CEBPA: variants seen among roughly 807,000 people sequenced by gnomAD.
The protein encoded by CEBPA is CCAAT/enhancer-binding protein alpha.
CEBPA carries 2 observed loss-of-function variants against 5.1 expected under a neutral mutation model. The observed-to-expected ratio is 0.39, with a 90% CI of 0.16 to 1.23. CEBPA has a LOEUF of 1.23. CEBPA is among the 50% of genes most tolerant of loss of function. The probability of loss-of-function intolerance (pLI) is 0.34; values close to 1 mark genes in which losing one functional copy is unlikely to be tolerated. For synonymous variants in CEBPA, 275 were observed against 264.1 expected (o/e 1.04, Z -0.40); for missense variants, 455 against 537.4 (o/e 0.85, Z 1.52).
chr19:33,301,102 A>G lies in CEBPA; in HGVS notation c.*236T>C, dbSNP rs1252030892. On this transcript the variant is annotated 3_prime_UTR_variant, in exon 1 of 1. Coordinates refer to ENST00000498907, the MANE Select transcript of CEBPA (RefSeq NM_004364.5). This position sits in a 1 kb window ranked among gnomAD's most constrained non-coding sequence, Gnocchi z 6.0. ...TTGCCGGGCTCCCAGCTCAGCCCCA[A>G]GAATTCTCCCCTCCTCGCAGGGAGA... is the stretch of plus-strand genomic sequence containing the variant. 5.1e-5 allele frequency: 34 copies of G among 663,544 alleles called. No homozygotes were observed. In the East Asian group the frequency reaches 5.5e-4, roughly 11 times the overall value. The allele number at this position is 663,544 out of a possible 1,614,324, so 41.1% of individuals were successfully genotyped here. A position where few individuals can be genotyped will look rare whatever the true frequency, so the allele number is the denominator to read the frequency against.
At position 33,302,384 on chromosome 19, in the gene CEBPA, G is replaced by T. The variant is rs1555742325; in HGVS notation, c.31C>A (p.Pro11Thr). MESADFYEAE[P>T]RPPMSSHLQS... is the part of the protein sequence containing the mutation. ...AGGTGGCTGCTCATCGGGGGCCGCG[G>T]CTCCGCCTCGTAGAAGTCGGCCGAC... Residue 11 changes from proline (P) to threonine (T), a missense_variant, in exon 1 of 1, where the codon CCG (proline) becomes ACG (threonine). Pro to Thr is a conservative substitution (Grantham distance 38). Around this residue, in one of 5 missense-constraint regions of CEBPA, gnomAD observed 143 missense variants for 153.9 expected, o/e 0.93. Coordinates refer to ENST00000498907, the MANE Select transcript of CEBPA (RefSeq NM_004364.5). 7.7e-7 allele frequency: 1 copy of T among 1,303,318 alleles called. No individual in the cohort carries two copies. 80.7% of individuals were successfully genotyped at this position (1,303,318 alleles called of 1,614,324 possible).
chr19:33,300,219 AG>A lies in CEBPA; in HGVS notation c.*1118del, dbSNP rs1967118637. 4.3e-6 allele frequency: 1 copy of A among 233,532 alleles called. No individual in the cohort carries two copies. The highest frequency in any genetic ancestry group is 2.2e-5 in the African/African-American group (1 of 45,328). The allele number at this position is 233,532 out of a possible 1,614,324, so 14.5% of individuals were successfully genotyped here. A position where few individuals can be genotyped will look rare whatever the true frequency, so the allele number is the denominator to read the frequency against. ...AAAGTAATCCCAAAACCAAAAGGAA[AG>A]GGAGTCTCAGACCCTTCCCCCAGCT... On this transcript the variant is annotated 3_prime_UTR_variant, in exon 1 of 1. Coordinates refer to ENST00000498907, the MANE Select transcript of CEBPA (RefSeq NM_004364.5).
rs1392203731 is a variant in CEBPA at position 33,301,523 on chromosome 19, T to G, written c.892A>C (p.Lys298Gln). The change falls in exon 1 of 1, where the codon AAG becomes CAG. Residue 298 changes from lysine (K) to glutamine (Q), a missense_variant. Coordinates refer to ENST00000498907, the MANE Select transcript of CEBPA (RefSeq NM_004364.5). This position sits in a 1 kb window ranked among gnomAD's most constrained non-coding sequence, Gnocchi z 6.0. ...CGCTGCTTGGCCTTGTCGCGGCTCT[T>G]GCGCACCGCGATGTTGTTGCGCTCG... ...RRERNNIAVR[K>Q]SRDKAKQRNV... 9 of 1,613,404 alleles carry G rather than the reference T, an allele frequency of 5.6e-6. No homozygotes were observed. Among genetic ancestry groups the G allele is most frequent in the Non-Finnish European group, 7.6e-6 (9 of 1,179,852 alleles).
chr19:33,301,891 A>G lies in CEBPA; in HGVS notation c.524T>C (p.Leu175Pro), dbSNP rs2145261646. 1 of 1,269,154 alleles carries G rather than the reference A, an allele frequency of 7.9e-7. No homozygotes were observed. The highest frequency in any genetic ancestry group is 1.0e-6 in the Non-Finnish European group (1 of 998,530). 78.6% of individuals were successfully genotyped at this position (1,269,154 alleles called of 1,614,324 possible). A position where few individuals can be genotyped will look rare whatever the true frequency, so the allele number is the denominator to read the frequency against. ...REEDEAKQLALAGLFPYQPPP... is the reference protein window; with the variant it reads ...REEDEAKQLAPAGLFPYQPPP... ...CGGCTGGTAAGGGAAGAGGCCGGCC[A>G]GCGCCAGCTGCTTGGCTTCATCCTC... Residue 175 changes from leucine (L) to proline (P), a missense_variant, in exon 1 of 1, where the codon CTG becomes CCG. Leu to Pro is a moderately conservative substitution (Grantham distance 98, BLOSUM62 -3). This residue lies in a region of CEBPA where 141 missense variants were observed against 124.1 expected (regional missense o/e 1.14). Coordinates refer to ENST00000498907, the MANE Select transcript of CEBPA (RefSeq NM_004364.5). This position sits in a 1 kb window ranked among gnomAD's most constrained non-coding sequence, Gnocchi z 6.0.
chr19:33,301,942 A>G lies in CEBPA; in HGVS notation c.473T>C (p.Leu158Pro), dbSNP rs2145261865. 8.8e-7 allele frequency: 1 copy of G among 1,140,680 alleles called. No individual in the cohort carries two copies. The highest frequency in any genetic ancestry group is 1.1e-6 in the Non-Finnish European group (1 of 926,804). 70.7% of individuals were successfully genotyped at this position (1,140,680 alleles called of 1,614,324 possible). A position where few individuals can be genotyped will look rare whatever the true frequency, so the allele number is the denominator to read the frequency against. ...ERVGAPALRP[L>P]VIKQEPREED... Reference sequence around the variant, plus strand: ...CTCGCGGGGCTCCTGCTTGATCACCAGCGGCCGCAGCGCCGGCGCCCCGAC... The same window carrying G: ...CTCGCGGGGCTCCTGCTTGATCACCGGCGGCCGCAGCGCCGGCGCCCCGAC... Residue 158 changes from leucine to proline, a missense_variant, in exon 1 of 1, where the codon CTG becomes CCG. Physicochemically the swap from Leu to Pro is moderately conservative, Grantham distance 98. Coordinates refer to ENST00000498907, the MANE Select transcript of CEBPA (RefSeq NM_004364.5). The surrounding 1 kb of genome is among the most constrained non-coding windows in gnomAD (Gnocchi z 6.0).
At position 33,301,365 on chromosome 19, in the gene CEBPA, C is replaced by T. The variant is rs1568419067; in HGVS notation, c.1050G>A (p.Leu350=). Residue 350 remains leucine, a synonymous_variant, in exon 1 of 1, where the codon TTG becomes TTA. Transcript: ENST00000498907. The surrounding 1 kb of genome is among the most constrained non-coding windows in gnomAD (Gnocchi z 6.0). The part of the protein sequence containing the change: ...GIFRQLPESS[L]VKAMGNCA ...ACGCGCAGTTGCCCATGGCCTTGACCAAGGAGCTCTCTGGCAGCTGGCGGA... is the reference window on the plus strand; with the variant it reads ...ACGCGCAGTTGCCCATGGCCTTGACTAAGGAGCTCTCTGGCAGCTGGCGGA... 1 of 1,605,232 alleles carries T rather than the reference C, an allele frequency of 6.2e-7. No homozygotes were observed. The highest frequency in any genetic ancestry group is 8.5e-7 in the Non-Finnish European group (1 of 1,178,936).
chr19:33,301,974 G>A lies in CEBPA; in HGVS notation c.441C>T (p.Tyr147=), dbSNP rs2145262085. The change falls in exon 1 of 1, where the codon TAC becomes TAT. Residue 147 remains tyrosine (Y), a synonymous_variant. Coordinates refer to ENST00000498907, the MANE Select transcript of CEBPA (RefSeq NM_004364.5). The surrounding 1 kb of genome is among the most constrained non-coding windows in gnomAD (Gnocchi z 6.0). Reference sequence around the variant, plus strand: ...GCAGCGCCGGCGCCCCGACGCGCTCGTACAGGGGCTCCAGCCTGCCGTCCA... The same window carrying A: ...GCAGCGCCGGCGCCCCGACGCGCTCATACAGGGGCTCCAGCCTGCCGTCCA... ...GYLDGRLEPL[Y]ERVGAPALRP... is the part of the protein sequence containing the mutation. 1 of 1,230,260 alleles carries A rather than the reference G, an allele frequency of 8.1e-7. No individual in the cohort carries two copies. 76.2% of individuals were successfully genotyped at this position (1,230,260 alleles called of 1,614,324 possible).
chr19:33,300,623 G>A lies in CEBPA; in HGVS notation c.*715C>T. ...CTGACCCACGACCTAGCTTTCTGGT[G>A]TGACTCGGGGTGGGGGCTCCCACTG... On this transcript the variant is annotated 3_prime_UTR_variant, in exon 1 of 1. Transcript: ENST00000498907. 4.3e-6 allele frequency: 1 copy of A among 233,450 alleles called. No individual in the cohort carries two copies. Among genetic ancestry groups the A allele is most frequent in the Non-Finnish European group, 8.5e-6 (1 of 118,114 alleles). 14.5% of individuals were successfully genotyped at this position (233,450 alleles called of 1,614,324 possible).
chr19:33,301,921 C>A lies in CEBPA; in HGVS notation c.494G>T (p.Arg165Leu). Reference sequence around the variant, plus strand: ...CAGCTGCTTGGCTTCATCCTCCTCGCGGGGCTCCTGCTTGATCACCAGCGG... The same window carrying A: ...CAGCTGCTTGGCTTCATCCTCCTCGAGGGGCTCCTGCTTGATCACCAGCGG... Reference protein sequence around the residue: ...LRPLVIKQEPREEDEAKQLAL... With the variant: ...LRPLVIKQEPLEEDEAKQLAL... The change falls in exon 1 of 1, where the codon CGC (arginine) becomes CTC (leucine). Residue 165 changes from arginine (R) to leucine (L), a missense_variant. Physicochemically the swap from Arg to Leu is moderately radical, Grantham distance 102. Around this residue, in one of 5 missense-constraint regions of CEBPA, gnomAD observed 141 missense variants for 124.1 expected, o/e 1.14. Transcript: ENST00000498907. This position sits in a 1 kb window ranked among gnomAD's most constrained non-coding sequence, Gnocchi z 6.0. 8.8e-7 allele frequency: 1 copy of A among 1,140,560 alleles called. No individual in the cohort carries two copies. The highest frequency in any genetic ancestry group is 3.9e-4 in the Middle Eastern group (1 of 2,568). 70.7% of individuals were successfully genotyped at this position (1,140,560 alleles called of 1,614,324 possible). A position where few individuals can be genotyped will look rare whatever the true frequency, so the allele number is the denominator to read the frequency against.
rs1162154287 is a variant in CEBPA at position 33,301,344 on chromosome 19, G to C, written c.1071C>G (p.Cys357Trp). ...ESSLVKAMGN[C>W]A The stretch of plus-strand genomic sequence containing the variant: ...GGTCCCACAGCCGCGCGCCTCACGC[G>C]CAGTTGCCCATGGCCTTGACCAAGG... The change falls in exon 1 of 1, where the codon TGC becomes TGG. Residue 357 changes from cysteine to tryptophan, a missense_variant. Transcript: ENST00000498907. This position sits in a 1 kb window ranked among gnomAD's most constrained non-coding sequence, Gnocchi z 6.0. The C allele has an allele frequency of 1.3e-6, 2 of 1,596,212 alleles. No homozygotes were observed. Among genetic ancestry groups the C allele is most frequent in the Non-Finnish European group, 1.7e-6 (2 of 1,176,088 alleles).
In CEBPA at chr19:33,299,966, T is replaced by C. The variant is rs1388440390; in HGVS notation, c.*1372A>G. 14 of 232,908 alleles carry C rather than the reference T, an allele frequency of 6.0e-5. No homozygotes were observed. Among genetic ancestry groups the C allele is most frequent in the Non-Finnish European group, 1.0e-4 (12 of 117,820 alleles). 14.4% of individuals were successfully genotyped at this position (232,908 alleles called of 1,614,324 possible). ...TGATATGTTTATATTATAGATATAATACATAAAACATCTAGAGTGAGACTC... is the reference window on the plus strand; with the variant it reads ...TGATATGTTTATATTATAGATATAACACATAAAACATCTAGAGTGAGACTC... On this transcript the variant is annotated 3_prime_UTR_variant, in exon 1 of 1. Coordinates refer to ENST00000498907, the MANE Select transcript of CEBPA (RefSeq NM_004364.5).
rs1380779275 is a variant in CEBPA at position 33,301,007 on chromosome 19, C to A, written c.*331G>T. On this transcript the variant is annotated 3_prime_UTR_variant, in exon 1 of 1. Transcript: ENST00000498907. This position sits in a 1 kb window ranked among gnomAD's most constrained non-coding sequence, Gnocchi z 6.0. ...TAAAATGACAAGGCACGATTTGCTC[C>A]CCCTACTCAGTAGGCATTGGAGCGG... 7 of 413,004 alleles carry A rather than the reference C, an allele frequency of 1.7e-5. No homozygotes were observed. The highest frequency in any genetic ancestry group is 2.2e-5 in the Non-Finnish European group (5 of 225,514). 25.6% of individuals were successfully genotyped at this position (413,004 alleles called of 1,614,324 possible).
At position 33,302,210 on chromosome 19, in the gene CEBPA, C is replaced by G; in HGVS notation, c.205G>C (p.Asp69His). 6.7e-7 allele frequency: 1 copy of G among 1,497,894 alleles called. No homozygotes were observed. Among genetic ancestry groups the G allele is most frequent in the South Asian group, 1.3e-5 (1 of 78,998 alleles). The allele number at this position is 1,497,894 out of a possible 1,614,324, so 92.8% of individuals were successfully genotyped here. A position where few individuals can be genotyped will look rare whatever the true frequency, so the allele number is the denominator to read the frequency against. Residue 69 changes from aspartate to histidine, a missense_variant, in exon 1 of 1, where the codon GAC (aspartate) becomes CAC (histidine). By Grantham distance (81) the Asp-to-His change is moderately conservative. Coordinates refer to ENST00000498907, the MANE Select transcript of CEBPA (RefSeq NM_004364.5). Reference sequence around the variant, plus strand: ...AACTCGTCGTTGAAGGCGGCCGGGTCGATGTAGGCGCTGATGTCGATGGAC... The same window carrying G: ...AACTCGTCGTTGAAGGCGGCCGGGTGGATGTAGGCGCTGATGTCGATGGAC... ...ETSIDISAYI[D>H]PAAFNDEFLA...
Position 33,302,489 on chromosome 19 carries a change from C to G in CEBPA, c.-75G>C. 1 of 1,008,862 alleles carries G rather than the reference C, an allele frequency of 9.9e-7. No homozygotes were observed. Among genetic ancestry groups the G allele is most frequent in the Non-Finnish European group, 1.3e-6 (1 of 784,928 alleles). 62.5% of individuals were successfully genotyped at this position (1,008,862 alleles called of 1,614,324 possible). On this transcript the variant is annotated 5_prime_UTR_variant, in exon 1 of 1. Transcript: ENST00000498907. ...TGCGCGGGGCGTCGCCGCCGCCCAC[C>G]CGGAGACCCTGCTCGCCCGCGCCCG...
In CEBPA at chr19:33,302,184, G is replaced by A; in HGVS notation, c.231C>T (p.Phe77=). 1.3e-6 allele frequency: 2 copies of A among 1,492,024 alleles called. No individual in the cohort carries two copies. The highest frequency in any genetic ancestry group is 2.6e-5 in the South Asian group (2 of 78,378). The allele number at this position is 1,492,024 out of a possible 1,614,324, so 92.4% of individuals were successfully genotyped here. ...GGCTGTGCTGGAACAGGTCGGCCAG[G>A]AACTCGTCGTTGAAGGCGGCCGGGT... ...YIDPAAFNDE[F]LADLFQHSRQ... The change falls in exon 1 of 1, where the codon TTC becomes TTT. Residue 77 remains phenylalanine (F), a synonymous_variant. Transcript: ENST00000498907.
Position 33,302,338 on chromosome 19 carries a change from G to C in CEBPA, c.77C>G (p.Pro26Arg), listed in dbSNP as rs1216903258. The C allele has an allele frequency of 2.2e-6, 3 of 1,355,102 alleles. No homozygotes were observed. The highest frequency in any genetic ancestry group is 3.1e-5 in the African/African-American group (2 of 64,980). The allele number at this position is 1,355,102 out of a possible 1,614,324, so 83.9% of individuals were successfully genotyped here. ...GGGAAAGCCGAAGGCGGCGCTGCTG[G>C]GCGCGTGCGGGGGGCTCTGCAGGTG... is the stretch of plus-strand genomic sequence containing the variant. ...SSHLQSPPHAPSSAAFGFPRG... is the reference protein window; with the variant it reads ...SSHLQSPPHARSSAAFGFPRG... The change falls in exon 1 of 1, where the codon CCC (proline) becomes CGC (arginine). Residue 26 changes from proline (P) to arginine (R), a missense_variant. By Grantham distance (103) the Pro-to-Arg change is moderately radical. Coordinates refer to ENST00000498907, the MANE Select transcript of CEBPA (RefSeq NM_004364.5).
At position 33,300,393 on chromosome 19, in the gene CEBPA, C is replaced by T. The variant is rs1005626115; in HGVS notation, c.*945G>A. The T allele has an allele frequency of 4.3e-6, 1 of 233,676 alleles. No homozygotes were observed. The highest frequency in any genetic ancestry group is 2.2e-5 in the African/African-American group (1 of 45,348). 14.5% of individuals were successfully genotyped at this position (233,676 alleles called of 1,614,324 possible). ...AGAGGCCAGATACAAGTGTTGATAT[C>T]GGCTGATAAAGCAAAATATTTGGAA... On this transcript the variant is annotated 3_prime_UTR_variant, in exon 1 of 1. Coordinates refer to ENST00000498907, the MANE Select transcript of CEBPA (RefSeq NM_004364.5).
Position 33,302,190 on chromosome 19 carries a change from G to A in CEBPA, c.225C>T (p.Asp75=). ...SAYIDPAAFN[D]EFLADLFQHS... ...GCTGGAACAGGTCGGCCAGGAACTCGTCGTTGAAGGCGGCCGGGTCGATGT... is the reference window on the plus strand; with the variant it reads ...GCTGGAACAGGTCGGCCAGGAACTCATCGTTGAAGGCGGCCGGGTCGATGT... Residue 75 remains aspartate (D), a synonymous_variant, in exon 1 of 1, where the codon GAC becomes GAT. Coordinates refer to ENST00000498907, the MANE Select transcript of CEBPA (RefSeq NM_004364.5). 6.7e-7 allele frequency: 1 copy of A among 1,493,828 alleles called. No homozygotes were observed. Among genetic ancestry groups the A allele is most frequent in the Non-Finnish European group, 8.9e-7 (1 of 1,118,688 alleles). The allele number at this position is 1,493,828 out of a possible 1,614,324, so 92.5% of individuals were successfully genotyped here. A position where few individuals can be genotyped will look rare whatever the true frequency, so the allele number is the denominator to read the frequency against.
In CEBPA at chr19:33,300,715, G is replaced by T; in HGVS notation, c.*623C>A. 1 of 234,136 alleles carries T rather than the reference G, an allele frequency of 4.3e-6. No individual in the cohort carries two copies. The highest frequency in any genetic ancestry group is 8.4e-6 in the Non-Finnish European group (1 of 118,492). 14.5% of individuals were successfully genotyped at this position (234,136 alleles called of 1,614,324 possible). ...GGAAGCCCAGCCTATAGCAGGCTGG[G>T]GTGGGGTGTGTGCGGAGGGAGGTGG... is the stretch of plus-strand genomic sequence containing the variant. On this transcript the variant is annotated 3_prime_UTR_variant, in exon 1 of 1. Coordinates refer to ENST00000498907, the MANE Select transcript of CEBPA (RefSeq NM_004364.5).
Sources: gnomAD v4.1 joint callset for allele counts on GRCh38, gnomAD v4.1.1 for gene constraint, gnomAD v4.1.1 regional missense constraint, Gnocchi (gnomAD v3.1) non-coding constraint, MANE v1.5 for transcripts, NCBI Gene and HGNC (gene_info 2026-07-23, HGNC 2026-07-21) for gene names.